Variants in GPR3 observed in about 807,000 individuals in gnomAD.
The protein encoded by GPR3 is G protein-coupled receptor 3.
GPR3 carries 16 observed loss-of-function variants against 18.2 expected under a neutral mutation model. That is an observed-to-expected ratio of 0.88 (90% confidence interval 0.60 to 1.34). The LOEUF (loss-of-function observed/expected upper bound fraction) is 1.34. Ranked by LOEUF, GPR3 falls within the 40% of genes most tolerant of loss-of-function variation. The probability of loss-of-function intolerance (pLI) is 0.00; values close to 1 mark genes in which losing one functional copy is unlikely to be tolerated. For missense variants in GPR3, 326 were observed against 427.6 expected, an observed-to-expected ratio of 0.76 and a Z score of 2.10; for synonymous variants, 183 against 188.9, an observed-to-expected ratio of 0.97 and a Z score of 0.26.
rs372362016 is a variant in GPR3, at chr1:27,394,504, G to A, written c.706G>A (p.Ala236Thr). 2.5e-6 allele frequency: 4 copies of A among 1,614,128 alleles called. No homozygotes were observed. The highest frequency in any genetic ancestry group is 1.1e-5 in the South Asian group (1 of 91,080). The change falls in exon 2 of 2, where the codon GCC (alanine) becomes ACC (threonine). Residue 236 changes from alanine to threonine, a missense_variant. Ala to Thr is a moderately conservative substitution (Grantham distance 58). Transcript: ENST00000374024. Reference protein sequence around the residue: ...QIALQRHLLPASHYVATRKGI... With the variant: ...QIALQRHLLPTSHYVATRKGI... ...TGCCCTTCAGCGGCACCTGCTGCCTGCCTCCCACTATGTGGCCACCCGCAA... is the reference window on the plus strand; with the variant it reads ...TGCCCTTCAGCGGCACCTGCTGCCTACCTCCCACTATGTGGCCACCCGCAA...
chr1:27,393,145 C>T (rs1252274130), intron 1 of GPR3, among the ~76,000 whole-genome samples: 1 of 148,616 alleles, frequency 6.7e-6, no homozygotes, highest in African/African-American at 2.5e-5. Flanking sequence ...GGGATCCAGT[C>T]TTCCAGCAGG....
intron 1 of GPR3, 46 bp downstream of exon 1, chr1:27,392,783 C>A (rs2016501607): frequency 6.6e-6 from 1 of 152,164 alleles, no homozygotes; most frequent in South Asian, 2.1e-4. Flanking sequence ...CTGAAGGGCA[C>A]GCAGGATGCT....
In GPR3 at chr1:27,395,173, T is replaced by C. The variant is rs191735471; in HGVS notation, c.*382T>C. ...CAGAGAGATTAGTCACATAGTTGCC[T>C]AAATAGGAGAGAGAAAGATTATATA... On this transcript the variant is annotated 3_prime_UTR_variant, in exon 2 of 2. Transcript: ENST00000374024. 11 of 239,106 alleles carry C rather than the reference T, an allele frequency of 4.6e-5. No individual in the cohort carries two copies. Among genetic ancestry groups the C allele is most frequent in the Non-Finnish European group, 7.9e-5 (9 of 113,608 alleles). The allele number at this position is 239,106 out of a possible 1,614,324, so 14.8% of individuals were successfully genotyped here.
Position 27,395,485 on chromosome 1 carries a change from A to G in GPR3, c.*694A>G. ...CTCCTCGGGTTTGGAAGGGGAACAC[A>G]CCAGCCTCTGGTTTTTTATTTTTTT... is the stretch of plus-strand genomic sequence containing the variant. On this transcript the variant is annotated 3_prime_UTR_variant, in exon 2 of 2. Transcript: ENST00000374024. 1 of 167,222 alleles carries G rather than the reference A, an allele frequency of 6.0e-6. No individual in the cohort carries two copies. The allele number at this position is 167,222 out of a possible 1,614,324, so 10.4% of individuals were successfully genotyped here. A position where few individuals can be genotyped will look rare whatever the true frequency, so the allele number is the denominator to read the frequency against.
Position 27,394,971 on chromosome 1 carries a change from G to T in GPR3, c.*180G>T, listed in dbSNP as rs983885016. The T allele has an allele frequency of 3.0e-5, 19 of 643,400 alleles. No homozygotes were observed. Among genetic ancestry groups the T allele is most frequent in the Non-Finnish European group, 4.6e-5 (17 of 367,430 alleles). The allele number at this position is 643,400 out of a possible 1,614,324, so 39.9% of individuals were successfully genotyped here. A position where few individuals can be genotyped will look rare whatever the true frequency, so the allele number is the denominator to read the frequency against. ...CCTATGGGGGCCCAGCTGGCTCCAC[G>T]GTTCCAGAATGTTCAGGTGGTCAGT... On this transcript the variant is annotated 3_prime_UTR_variant, in exon 2 of 2. Coordinates refer to ENST00000374024, the MANE Select transcript of GPR3 (RefSeq NM_005281.4).
rs1287965201 is a variant in GPR3, at chr1:27,395,421, A to C, written c.*630A>C. 6.0e-6 allele frequency: 1 copy of C among 167,164 alleles called. No homozygotes were observed. The highest frequency in any genetic ancestry group is 1.5e-5 in the Non-Finnish European group (1 of 68,184). 10.4% of individuals were successfully genotyped at this position (167,164 alleles called of 1,614,324 possible). A position where few individuals can be genotyped will look rare whatever the true frequency, so the allele number is the denominator to read the frequency against. ...ATTATTTTGGATTATTTTTTATCGA[A>C]GAGATCATAGAAACCAGAGCCTTCT... On this transcript the variant is annotated 3_prime_UTR_variant, in exon 2 of 2. Coordinates refer to ENST00000374024, the MANE Select transcript of GPR3 (RefSeq NM_005281.4).
Position 27,395,042 on chromosome 1 carries a change from G to C in GPR3, c.*251G>C. 2.1e-6 allele frequency: 1 copy of C among 486,468 alleles called. No homozygotes were observed. Among genetic ancestry groups the C allele is most frequent in the South Asian group, 3.9e-5 (1 of 25,382 alleles). The allele number at this position is 486,468 out of a possible 1,614,324, so 30.1% of individuals were successfully genotyped here. On this transcript the variant is annotated 3_prime_UTR_variant, in exon 2 of 2. Coordinates refer to ENST00000374024, the MANE Select transcript of GPR3 (RefSeq NM_005281.4). ...ACAGCCCAGCTGGGTTGCAATTCCA[G>C]AATGCTGGGAGTTTTACAGTGCCAT...
Position 27,395,209 on chromosome 1 carries a change from C to A in GPR3, c.*418C>A, listed in dbSNP as rs1182497638. The A allele has an allele frequency of 5.2e-6, 1 of 192,636 alleles. No individual in the cohort carries two copies. The highest frequency in any genetic ancestry group is 1.2e-5 in the Non-Finnish European group (1 of 83,796). 11.9% of individuals were successfully genotyped at this position (192,636 alleles called of 1,614,324 possible). A position where few individuals can be genotyped will look rare whatever the true frequency, so the allele number is the denominator to read the frequency against. Reference sequence around the variant, plus strand: ...GAGAAAGATTATATATGCACATATACAAAGACAGTGTCTATTTATGATTGA... The same window carrying A: ...GAGAAAGATTATATATGCACATATAAAAAGACAGTGTCTATTTATGATTGA... On this transcript the variant is annotated 3_prime_UTR_variant, in exon 2 of 2. Transcript: ENST00000374024.
Position 27,393,944 on chromosome 1 carries a change from T to C in GPR3, c.146T>C (p.Ile49Thr), listed in dbSNP as rs1376975524. 1.9e-6 allele frequency: 3 copies of C among 1,611,602 alleles called. No homozygotes were observed. The South Asian group carries it at 3.3e-5, about 18-fold the overall frequency. Residue 49 changes from isoleucine to threonine, a missense_variant, in exon 2 of 2, where the codon ATC (isoleucine) becomes ACC (threonine). Ile to Thr is a moderately conservative substitution (Grantham distance 89, BLOSUM62 -1). Transcript: ENST00000374024. ...AAGGCCTGGGATGTGGTGCTCTGCA[T>C]CTCAGGCACCCTGGTGTCCTGCGAG... is the stretch of plus-strand genomic sequence containing the variant. ...SPKAWDVVLCISGTLVSCENA... is the reference protein window; with the variant it reads ...SPKAWDVVLCTSGTLVSCENA...
rs749183839 is a variant in GPR3, at chr1:27,394,748, C to A, written c.950C>A (p.Ser317Tyr). The change falls in exon 2 of 2, where the codon TCT (serine) becomes TAT (tyrosine). Residue 317 changes from serine (S) to tyrosine (Y), a missense_variant. Coordinates refer to ENST00000374024, the MANE Select transcript of GPR3 (RefSeq NM_005281.4). Reference protein sequence around the residue: ...VLWAVCCCCSSSKIPFRSRSP... With the variant: ...VLWAVCCCCSYSKIPFRSRSP... ...TGGGCTGTCTGCTGCTGCTGTTCCT[C>A]TTCCAAGATCCCCTTCCGATCCCGC... 1 of 1,614,180 alleles carries A rather than the reference C, an allele frequency of 6.2e-7. No individual in the cohort carries two copies. The highest frequency in any genetic ancestry group is 2.2e-5 in the East Asian group (1 of 44,892).
chr1:27,394,955 G>A lies in GPR3; in HGVS notation c.*164G>A. On this transcript the variant is annotated 3_prime_UTR_variant, in exon 2 of 2. Coordinates refer to ENST00000374024, the MANE Select transcript of GPR3 (RefSeq NM_005281.4). ...AGGTTCTGTTCAGATCCCTATGGGG[G>A]CCCAGCTGGCTCCACGGTTCCAGAA... 5.8e-6 allele frequency: 4 copies of A among 688,736 alleles called. No individual in the cohort carries two copies. The highest frequency in any genetic ancestry group is 2.7e-5 in the East Asian group (1 of 36,740). 42.7% of individuals were successfully genotyped at this position (688,736 alleles called of 1,614,324 possible).
intron 1 of GPR3, among the ~76,000 whole-genome samples, 156 bp from the exon 2 acceptor site, chr1:27,393,638 C>T (rs985945302): frequency 3.3e-5 from 5 of 152,118 alleles, no homozygotes; most frequent in African/African-American, 1.2e-4. Context: ...CTGGGAAGAG[C>T]CCCAGGGCAT....
In GPR3 at chr1:27,394,299, G is replaced by A. The variant is rs201118619; in HGVS notation, c.501G>A (p.Leu167=). The part of the protein sequence containing the change: ...LALVWGGALG[L]GLLPVLAWNC... ...TAGTGTGGGGAGGTGCCCTGGGCCT[G>A]GGGCTGCTGCCTGTGCTGGCCTGGA... The change falls in exon 2 of 2, where the codon CTG becomes CTA. Residue 167 remains leucine (L), a synonymous_variant. Coordinates refer to ENST00000374024, the MANE Select transcript of GPR3 (RefSeq NM_005281.4). 3.2e-5 allele frequency: 51 copies of A among 1,613,114 alleles called. No homozygotes were observed. In the East Asian group the frequency reaches 1.0e-3, roughly 33 times the overall value.
intron 1 of GPR3, among the ~76,000 whole-genome samples, chr1:27,393,302 T>C (rs1388978513): frequency 1.3e-5 from 2 of 151,934 alleles, no homozygotes; most frequent in African/African-American, 4.8e-5. Context: ...TCACGCGCAT[T>C]CCCTGGGGGC....
In GPR3 at chr1:27,394,525, C is replaced by A. The variant is rs745929629; in HGVS notation, c.727C>A (p.Arg243Ser). 2 of 1,614,118 alleles carry A rather than the reference C, an allele frequency of 1.2e-6. No individual in the cohort carries two copies. Among genetic ancestry groups the A allele is most frequent in the Non-Finnish European group, 1.7e-6 (2 of 1,180,024 alleles). The stretch of plus-strand genomic sequence containing the variant: ...GCCTGCCTCCCACTATGTGGCCACC[C>A]GCAAGGGCATTGCCACACTGGCCGT... ...LLPASHYVAT[R>S]KGIATLAVVL... The change falls in exon 2 of 2, where the codon CGC (arginine) becomes AGC (serine). Residue 243 changes from arginine (R) to serine (S), a missense_variant. Transcript: ENST00000374024.
At position 27,394,772 on chromosome 1, in the gene GPR3, G is replaced by A. The variant is rs145491319; in HGVS notation, c.974G>A (p.Arg325His). ...TCTTCCAAGATCCCCTTCCGATCCC[G>A]CTCCCCCAGTGATGTCTAGCTGAGT... ...CSSSKIPFRS[R>H]SPSDV is the part of the protein sequence containing the mutation. The change falls in exon 2 of 2, where the codon CGC (arginine) becomes CAC (histidine). Residue 325 changes from arginine to histidine, a missense_variant. By Grantham distance (29) the Arg-to-His change is conservative. Coordinates refer to ENST00000374024, the MANE Select transcript of GPR3 (RefSeq NM_005281.4). 785 of 1,613,606 alleles carry A rather than the reference G, an allele frequency of 4.9e-4. No individual in the cohort carries two copies. The highest frequency in any genetic ancestry group is 5.6e-4 in the Non-Finnish European group (665 of 1,179,764).
At position 27,395,193 on chromosome 1, in the gene GPR3, T is replaced by G. The variant is rs1011357293; in HGVS notation, c.*402T>G. Reference sequence around the variant, plus strand: ...TTGCCTAAATAGGAGAGAGAAAGATTATATATGCACATATACAAAGACAGT... The same window carrying G: ...TTGCCTAAATAGGAGAGAGAAAGATGATATATGCACATATACAAAGACAGT... On this transcript the variant is annotated 3_prime_UTR_variant, in exon 2 of 2. Coordinates refer to ENST00000374024, the MANE Select transcript of GPR3 (RefSeq NM_005281.4). 9.1e-6 allele frequency: 2 copies of G among 219,332 alleles called. No individual in the cohort carries two copies. The highest frequency in any genetic ancestry group is 2.0e-5 in the Non-Finnish European group (2 of 100,488). 13.6% of individuals were successfully genotyped at this position (219,332 alleles called of 1,614,324 possible).
chr1:27,393,686 C>T (rs1353676946), intron 1 of GPR3, 108 bp from the exon 2 acceptor site: 2 of 922,786 alleles, frequency 2.2e-6, no homozygotes, highest in Admixed American at 2.3e-5. Flanking sequence ...TATCAGGTAT[C>T]CTGAGGAGAG....
chr1:27,393,930 T>C lies in GPR3; in HGVS notation c.132T>C (p.Asp44=). Reference sequence around the variant, plus strand: ...CACTGCCCTCGCCTAAGGCCTGGGATGTGGTGCTCTGCATCTCAGGCACCC... The same window carrying C: ...CACTGCCCTCGCCTAAGGCCTGGGACGTGGTGCTCTGCATCTCAGGCACCC... ...AAPLPSPKAW[D]VVLCISGTLV... The change falls in exon 2 of 2, where the codon GAT becomes GAC. Residue 44 remains aspartate (D), a synonymous_variant. Transcript: ENST00000374024. The C allele has an allele frequency of 6.2e-7, 1 of 1,611,248 alleles. No individual in the cohort carries two copies. The highest frequency in any genetic ancestry group is 8.5e-7 in the Non-Finnish European group (1 of 1,179,236).
Sources: allele counts gnomAD v4.1 joint callset (sites outside exome capture counted in the v4.1 genomes callset), GRCh38; gene constraint gnomAD v4.1.1; transcripts MANE v1.5; gene names NCBI Gene and HGNC (gene_info 2026-07-23, HGNC 2026-07-21).